PIAS2: variants seen among roughly 807,000 people sequenced by gnomAD.
PIAS2 encodes the protein E3 SUMO-protein ligase PIAS2.
PIAS2 carries 19 observed loss-of-function variants against 69.7 expected under a neutral mutation model. That is an observed-to-expected ratio of 0.27 (90% CI 0.19 to 0.40). The LOEUF (loss-of-function observed/expected upper bound fraction) is 0.40. PIAS2 is among the 10% of genes least tolerant of loss of function. The pLI is 1.00. For synonymous variants in PIAS2, 261 were observed against 263.2 expected, an observed-to-expected ratio of 0.99 and a Z score of 0.08; for missense variants, 624 against 757.0, an observed-to-expected ratio of 0.82 and a Z score of 2.06.
At chr18:46,880,956 T>C (rs540207754) in intron 2 of PIAS2, among the ~76,000 whole-genome samples, 28 of 152,372 alleles carry the variant, frequency 1.8e-4, no homozygotes, top group African/African-American at 6.3e-4. Context: ...TTTTCTAATT[T>C]AATCAGATTT....
chr18:46,875,736 G>C lies in PIAS2; in HGVS notation c.500-11488C>G, dbSNP rs141668621. Among the ~76,000 whole-genome samples, 1,421 of 152,292 alleles carry C rather than the reference G, an allele frequency of 9.3e-3. 7 individuals are homozygous for C. The highest frequency in any genetic ancestry group is 0.014 in the Middle Eastern group (4 of 294). On this transcript the variant is annotated intron_variant, in intron 2 of 13. Coordinates refer to ENST00000585916, the MANE Select transcript of PIAS2 (RefSeq NM_004671.5). ...AAAGATGCAAATGCCTGGCTGAAAC[G>C]GATTAAATATTCCATCCGCACTCTA...
intron 9 of PIAS2, among the ~76,000 whole-genome samples, chr18:46,830,511 C>G (rs931043655): frequency 1.3e-5 from 2 of 151,496 alleles, no homozygotes; most frequent in Non-Finnish European, 2.9e-5. Flanking sequence ...AAATTTATAG[C>G]ATTAATCTTC....
At chr18:46,913,126 AGTCTG>A (rs2146321757) in intron 1 of PIAS2, among the ~76,000 whole-genome samples, 1 of 152,306 alleles carries the variant, frequency 6.6e-6, no homozygotes, top group South Asian at 2.1e-4. Flanking sequence ...CATAGCTATT[AGTCTG>A]TATCCCTGCC....
intron 12 of PIAS2, among the ~76,000 whole-genome samples, chr18:46,818,782 T>C (rs2041849360): frequency 6.6e-6 from 1 of 152,138 alleles, no homozygotes; most frequent in Non-Finnish European, 1.5e-5. Flanking sequence ...AGTTATCAAC[T>C]GGTAAGAAAG....
intron 1 of PIAS2, among the ~76,000 whole-genome samples, chr18:46,893,788 T>TGAG (rs1405681591): frequency 6.6e-6 from 1 of 152,248 alleles, no homozygotes; most frequent in South Asian, 2.1e-4. Context: ...TTCATCCCTC[T>TGAG]GGTCATCAAT....
intron 3 of PIAS2, among the ~76,000 whole-genome samples, chr18:46,861,615 A>G (rs769190747): frequency 2.6e-5 from 4 of 152,222 alleles, no homozygotes; most frequent in Non-Finnish European, 5.9e-5. Context: ...AGAAGGGCAC[A>G]TAACTTGAGG....
At chr18:46,817,420 A>C in intron 12 of PIAS2, 1 of 967,012 alleles carries the variant, frequency 1.0e-6, no homozygotes, top group Non-Finnish European at 1.2e-6. Context: ...GAAATTAAAA[A>C]TTGAAGCTCT....
upstream of PIAS2, among the ~76,000 whole-genome samples, chr18:46,918,434 A>T (rs534996033): frequency 6.0e-5 from 9 of 150,722 alleles, no homozygotes. Context: ...TCTTCCTTCC[A>T]CTCCCCTGCC....
At chr18:46,873,927 G>A (rs942768559) in intron 2 of PIAS2, among the ~76,000 whole-genome samples, 2 of 152,094 alleles carry the variant, frequency 1.3e-5, no homozygotes, top group African/African-American at 4.8e-5. Flanking sequence ...CTGAAAAGGA[G>A]AAGTTAATAA....
At chr18:46,906,265 A>T (rs1354999365) in intron 1 of PIAS2, 1 of 152,142 alleles carries the variant, frequency 6.6e-6, no homozygotes, top group Admixed American at 6.6e-5. Context: ...AATCAGGAAC[A>T]AGATCAGGAT....
rs2041060736 is a variant in PIAS2 at position 46,812,391 on chromosome 18, G to A, written c.*42C>T. On this transcript the variant is annotated 3_prime_UTR_variant, in exon 14 of 14. Transcript: ENST00000585916. ...CCACAGACTAGAGATCCAAGAAAAA[G>A]CAGTTCTGATGAATGATTCCCAGAA... The A allele has an allele frequency of 4.1e-6, 5 of 1,214,780 alleles. No individual in the cohort carries two copies. The highest frequency in any genetic ancestry group is 2.5e-5 in the East Asian group (1 of 40,370). The allele number at this position is 1,214,780 out of a possible 1,614,324, so 75.3% of individuals were successfully genotyped here.
chr18:46,892,002 T>G (rs577716888), intron 1 of PIAS2, among the ~76,000 whole-genome samples: 11 of 152,282 alleles, frequency 7.2e-5, no homozygotes, highest in African/African-American at 2.6e-4. Flanking sequence ...CACCTGGAGC[T>G]GACCAAAGCC....
chr18:46,855,229 A>C, intron 5 of PIAS2, 116 bp downstream of exon 5: 1 of 629,258 alleles, frequency 1.6e-6, no homozygotes, highest in Non-Finnish European at 2.8e-6. Flanking sequence ...ATAGTATTTA[A>C]TCTGGATGCT....
intron 2 of PIAS2, among the ~76,000 whole-genome samples, chr18:46,885,628 G>A (rs1876583065): frequency 6.6e-6 from 1 of 151,738 alleles, no homozygotes; most frequent in Non-Finnish European, 1.5e-5. Context: ...TTGACCTCAT[G>A]TCTGTTTTTC....
At chr18:46,908,424 A>C (rs533168800) in intron 1 of PIAS2, among the ~76,000 whole-genome samples, 5 of 152,190 alleles carry the variant, frequency 3.3e-5, no homozygotes, top group Non-Finnish European at 7.3e-5. Flanking sequence ...AAAAATTTGC[A>C]TGAAAGGTGA....
chr18:46,901,768 G>T (rs1478201660), intron 1 of PIAS2, among the ~76,000 whole-genome samples: 1 of 152,172 alleles, frequency 6.6e-6, no homozygotes, highest in Admixed American at 6.5e-5. Context: ...ATAGAGGAGA[G>T]CTTCCTCAAT....
chr18:46,910,041 G>A (rs1162896546), intron 1 of PIAS2, among the ~76,000 whole-genome samples: 6 of 151,934 alleles, frequency 3.9e-5, no homozygotes, highest in East Asian at 1.9e-4. Flanking sequence ...CTGTAATCCC[G>A]GCTACTCGGG....
intron 2 of PIAS2, among the ~76,000 whole-genome samples, chr18:46,882,352 T>C (rs1312355453): frequency 1.3e-5 from 2 of 151,804 alleles, no homozygotes; most frequent in Non-Finnish European, 2.9e-5. Context: ...TTAGCAAAAA[T>C]TAAAAGACCA....
In PIAS2 at chr18:46,876,355, A is replaced by G. The variant is rs1477460735; in HGVS notation, c.500-12107T>C. On this transcript the variant is annotated intron_variant, in intron 2 of 13. Transcript: ENST00000585916. ...GCAAAATCAGATAGTGCAGGGTTTGAGTCCATACTATTCTGGTGGTTAACT... is the reference window on the plus strand; with the variant it reads ...GCAAAATCAGATAGTGCAGGGTTTGGGTCCATACTATTCTGGTGGTTAACT... Among the ~76,000 whole-genome samples, 4 of 152,228 alleles carry G rather than the reference A, an allele frequency of 2.6e-5. No homozygotes were observed. The East Asian group carries it at 5.8e-4, about 22-fold the overall frequency.
Sources: gnomAD v4.1 joint callset for allele counts (sites outside exome capture counted in the v4.1 genomes callset) on GRCh38, gnomAD v4.1.1 for gene constraint, MANE v1.5 for transcripts, NCBI Gene and HGNC (gene_info 2026-07-23, HGNC 2026-07-21) for gene names.